CDH12: variants seen among roughly 807,000 people sequenced by gnomAD.
CDH12 encodes the protein cadherin-12.
In CDH12, 41 loss-of-function variants were observed where a neutral mutation model predicts 74.1. The observed-to-expected ratio is 0.55, with a 90% CI of 0.43 to 0.72. CDH12 has a LOEUF of 0.72. CDH12 is among the 30% of genes least tolerant of loss of function. The pLI, the probability that CDH12 is intolerant of heterozygous loss-of-function variation, is 0.00. For synonymous variants in CDH12, 399 were observed against 355.0 expected (o/e 1.12, Z -1.39); for missense variants, 945 against 977.2 (o/e 0.97, Z 0.44).
At chr5:22,503,551 G>T (rs1208255322) in intron 2 of CDH12, among the ~76,000 whole-genome samples, 2 of 151,874 alleles carry the variant, frequency 1.3e-5, no homozygotes, top group African/African-American at 4.8e-5. Context: ...ATATTAAAAA[G>T]AAAATAATTT....
chr5:22,697,364 G>A (rs574311026), intron 1 of CDH12, among the ~76,000 whole-genome samples: 9 of 152,120 alleles, frequency 5.9e-5, no homozygotes, highest in African/African-American at 1.9e-4. Context: ...GAGGTCAGGA[G>A]ATCAAGACCA....
chr5:22,777,771 G>T (rs974877218), intron 1 of CDH12, among the ~76,000 whole-genome samples: 6 of 151,980 alleles, frequency 3.9e-5, no homozygotes. Context: ...GTTGCAGCTG[G>T]TTATTTTCCC....
At chr5:21,841,034 G>A (rs1378380365) in intron 8 of CDH12, among the ~76,000 whole-genome samples, 1 of 152,008 alleles carries the variant, frequency 6.6e-6, no homozygotes, top group East Asian at 1.9e-4. Context: ...AAGAGCTTCT[G>A]CACAGCAAAA....
chr5:22,340,521 G>A (rs1240005599), intron 3 of CDH12, among the ~76,000 whole-genome samples: 9 of 103,808 alleles, frequency 8.7e-5, no homozygotes, highest in South Asian at 4.6e-4. Flanking sequence ...AGGAGACTCC[G>A]TCTCAAAAAA....
chr5:21,897,086 C>T (rs1198464356), intron 6 of CDH12, among the ~76,000 whole-genome samples: 1 of 151,930 alleles, frequency 6.6e-6, no homozygotes, highest in Admixed American at 6.6e-5. Flanking sequence ...TAGAAATTGC[C>T]AACAAATATA....
chr5:22,242,619 T>A (rs1752790936), intron 3 of CDH12, among the ~76,000 whole-genome samples: 1 of 152,158 alleles, frequency 6.6e-6, no homozygotes. Context: ...TAGCAGAAGA[T>A]TGGAAGCACT....
chr5:22,178,576 T>C (rs1749464819), intron 4 of CDH12, among the ~76,000 whole-genome samples: 1 of 152,186 alleles, frequency 6.6e-6, no homozygotes, highest in African/African-American at 2.4e-5. Context: ...GCTAGATAAA[T>C]GCTGTTAACA....
At chr5:21,988,361 G>A (rs568455916) in intron 5 of CDH12, among the ~76,000 whole-genome samples, 11 of 151,840 alleles carry the variant, frequency 7.2e-5, no homozygotes, top group Middle Eastern at 3.4e-3. Flanking sequence ...GTGTGGTGAC[G>A]GACGCCTGTA....
At chr5:22,305,544 T>C (rs760145043) in intron 3 of CDH12, among the ~76,000 whole-genome samples, 1 of 150,132 alleles carries the variant, frequency 6.7e-6, no homozygotes, top group Non-Finnish European at 1.5e-5. Context: ...CATCTTCAGA[T>C]GGTCCTTGGC....
At chr5:22,202,445 G>C (rs1191390335) in intron 4 of CDH12, among the ~76,000 whole-genome samples, 1 of 152,140 alleles carries the variant, frequency 6.6e-6, no homozygotes, top group East Asian at 1.9e-4. Context: ...GCGACAACAA[G>C]CTCTGCACAA....
At chr5:22,192,037 G>C (rs1373604185) in intron 4 of CDH12, among the ~76,000 whole-genome samples, 1 of 152,136 alleles carries the variant, frequency 6.6e-6, no homozygotes, top group Non-Finnish European at 1.5e-5. Context: ...CAGGATTCAA[G>C]TGATTCTCCT....
At position 22,212,661 on chromosome 5, in the gene CDH12, T is replaced by A. The variant is rs1315985565; in HGVS notation, c.-332-18A>T. The A allele has an allele frequency of 1.2e-6, 1 of 850,564 alleles. No individual in the cohort carries two copies. The highest frequency in any genetic ancestry group is 1.4e-4 in the East Asian group (1 of 6,922). 52.7% of individuals were successfully genotyped at this position (850,564 alleles called of 1,614,324 possible). A position where few individuals can be genotyped will look rare whatever the true frequency, so the allele number is the denominator to read the frequency against. ...CTCACTGTCTAAGGAGAGAAAAACATCAGCTGAAATCCTCCGAGGTTCCCA... is the reference window on the plus strand; with the variant it reads ...CTCACTGTCTAAGGAGAGAAAAACAACAGCTGAAATCCTCCGAGGTTCCCA... On this transcript the variant is annotated intron_variant, in intron 3 of 14. Transcript: ENST00000382254.
intron 1 of CDH12, among the ~76,000 whole-genome samples, chr5:22,623,481 T>A (rs1738095644): frequency 6.6e-6 from 1 of 152,074 alleles, no homozygotes; most frequent in South Asian, 2.1e-4. Flanking sequence ...GGATAGAAAA[T>A]CAATGTGCAA....
At chr5:22,642,044 G>A (rs1739178814) in intron 1 of CDH12, among the ~76,000 whole-genome samples, 1 of 152,172 alleles carries the variant, frequency 6.6e-6, no homozygotes, top group South Asian at 2.1e-4. Context: ...AAATATTTAA[G>A]TAAATTCACT....
intron 1 of CDH12, among the ~76,000 whole-genome samples, chr5:22,624,299 A>G (rs1738152689): frequency 6.6e-6 from 1 of 152,190 alleles, no homozygotes; most frequent in African/African-American, 2.4e-5. Flanking sequence ...ACGAAAGCCA[A>G]AATTGACAAA....
At chr5:21,939,952 G>A (rs1401559314) in intron 6 of CDH12, among the ~76,000 whole-genome samples, 3 of 152,100 alleles carry the variant, frequency 2.0e-5, no homozygotes, top group Non-Finnish European at 4.4e-5. Flanking sequence ...CGGGCACAGT[G>A]GCTCACACCT....
At chr5:22,166,675 A>T (rs1347947921) in intron 4 of CDH12, among the ~76,000 whole-genome samples, 1 of 152,220 alleles carries the variant, frequency 6.6e-6, no homozygotes, top group Non-Finnish European at 1.5e-5. Context: ...ATTTTGACAG[A>T]TTAAAAACTA....
chr5:21,803,924 C>T (rs1001578204), intron 9 of CDH12, among the ~76,000 whole-genome samples: 7 of 152,032 alleles, frequency 4.6e-5, no homozygotes, highest in Non-Finnish European at 8.8e-5. Flanking sequence ...TTTAAATCTT[C>T]GAAAACTCAC....
chr5:22,468,156 A>G (rs1745809421), intron 2 of CDH12, among the ~76,000 whole-genome samples: 1 of 152,226 alleles, frequency 6.6e-6, no homozygotes, highest in Admixed American at 6.5e-5. Context: ...CTTTTGAACA[A>G]CTGGGAAGTA....
Sources: gnomAD v4.1 joint callset for allele counts (sites outside exome capture counted in the v4.1 genomes callset) on GRCh38, gnomAD v4.1.1 for gene constraint, MANE v1.5 for transcripts, NCBI Gene and HGNC (gene_info 2026-07-23, HGNC 2026-07-21) for gene names.